The following MINK1 variants were observed in gnomAD, a reference collection of about 807,000 sequenced individuals.
MINK1 encodes the protein misshapen-like kinase 1.
A neutral mutation model predicts 178.4 loss-of-function variants in MINK1; 46 were observed. The ratio of observed to expected loss-of-function variants is 0.26; its 90% CI spans 0.20 to 0.33. The LOEUF (loss-of-function observed/expected upper bound fraction) is 0.33. MINK1 is among the 10% of genes least tolerant of loss of function. The pLI is 1.00. For missense variants in MINK1, 1,366 were observed against 1,814.9 expected (o/e 0.75, Z 4.49); for synonymous variants, 797 against 709.7 (o/e 1.12, Z -1.96).
chr17:4,896,994 C>A lies in MINK1; in HGVS notation c.3915+181C>A, dbSNP rs924277282. The A allele has an allele frequency of 4.5e-5, 46 of 1,012,200 alleles. No homozygotes were observed. The African/African-American group carries it at 6.0e-4, about 13-fold the overall frequency. The allele number at this position is 1,012,200 out of a possible 1,614,324, so 62.7% of individuals were successfully genotyped here. A position where few individuals can be genotyped will look rare whatever the true frequency, so the allele number is the denominator to read the frequency against. On this transcript the variant is annotated intron_variant, in intron 31 of 31. Transcript: ENST00000355280. The surrounding 1 kb of genome is among the most constrained non-coding windows in gnomAD (Gnocchi z 4.6). The stretch of plus-strand genomic sequence containing the variant: ...GCTCCCTTCAGATTCCGAGGACTTC[C>A]CAGCTGGCCCCCAGGGGGCGAGTGG...
intron 12 of MINK1, among the ~76,000 whole-genome samples, chr17:4,888,690 CTTTT>C (rs35392409): frequency 4.6e-5 from 4 of 87,864 alleles, no homozygotes; most frequent in Admixed American, 1.4e-4. Flanking sequence ...AAAGTCCTAT[CTTTT>C]TTTTTTTTTT....
chr17:4,891,160 CAG>C lies in MINK1; in HGVS notation c.1740+37_1740+38del, dbSNP rs770139934. ...CCCCACCCCTGTCTTAATGAAGACACAGGGAGCTTTGTTCAGAGCACAGGTAC... is the reference window on the plus strand; with the variant it reads ...CCCCACCCCTGTCTTAATGAAGACACGGAGCTTTGTTCAGAGCACAGGTAC... On this transcript the variant is annotated intron_variant, in intron 15 of 31. Coordinates refer to ENST00000355280, the MANE Select transcript of MINK1 (RefSeq NM_153827.5). The C allele has an allele frequency of 7.5e-6, 11 of 1,464,696 alleles. No homozygotes were observed. The South Asian group carries it at 1.3e-4, about 17-fold the overall frequency. The allele number at this position is 1,464,696 out of a possible 1,614,324, so 90.7% of individuals were successfully genotyped here. A position where few individuals can be genotyped will look rare whatever the true frequency, so the allele number is the denominator to read the frequency against.
At chr17:4,884,505 C>T in intron 5 of MINK1, 32 bp downstream of exon 5, 1 of 1,495,208 alleles carries the variant, frequency 6.7e-7, no homozygotes, top group Non-Finnish European at 9.3e-7. Flanking sequence ...TTGTCTTCTC[C>T]TCCGCTACCC....
intron 1 of MINK1, among the ~76,000 whole-genome samples, chr17:4,847,489 T>A (rs1247680529): frequency 6.6e-6 from 1 of 152,172 alleles, no homozygotes; most frequent in East Asian, 1.9e-4. Context: ...TGTAGGATGA[T>A]AGGATTCCCT....
chr17:4,867,817 GA>G (rs951019194), intron 1 of MINK1, among the ~76,000 whole-genome samples: 17 of 139,486 alleles, frequency 1.2e-4, no homozygotes, highest in African/African-American at 2.4e-4. Flanking sequence ...CTCCAAAAAA[GA>G]AAAAAAAAAG....
chr17:4,893,380 T>C, intron 20 of MINK1, 54 bp from the exon 21 acceptor site: 2 of 1,606,344 alleles, frequency 1.2e-6, no homozygotes, highest in African/African-American at 1.3e-5. Context: ...ACCCTTTGTC[T>C]ACCTCCACCC....
At position 4,896,610 on chromosome 17, in the gene MINK1, C is replaced by T. The variant is rs776688168; in HGVS notation, c.3775+22C>T. ...GTGGGTGAGTGAGCTGCCGCCCTCC[C>T]AGCCACATGCCCCGAGGTGGCCCCG... is the stretch of plus-strand genomic sequence containing the variant. On this transcript the variant is annotated intron_variant, in intron 30 of 31. Transcript: ENST00000355280. This position sits in a 1 kb window ranked among gnomAD's most constrained non-coding sequence, Gnocchi z 4.6. 20 of 1,613,246 alleles carry T rather than the reference C, an allele frequency of 1.2e-5. No homozygotes were observed. The highest frequency in any genetic ancestry group is 1.5e-5 in the Non-Finnish European group (18 of 1,179,448).
chr17:4,884,489 C>G lies in MINK1; in HGVS notation c.417+16C>G. 6.4e-7 allele frequency: 1 copy of G among 1,572,168 alleles called. No homozygotes were observed. Among genetic ancestry groups the G allele is most frequent in the Non-Finnish European group, 8.8e-7 (1 of 1,142,208 alleles). ...GATCCTCAGGGTGAGCTCAAGGCCC[C>G]TCCCCTTGTCTTCTCCTCCGCTACC... On this transcript the variant is annotated intron_variant, in intron 5 of 31. Transcript: ENST00000355280.
intron 1 of MINK1, chr17:4,847,299 C>T (rs550620661): frequency 1.1e-5 from 5 of 451,598 alleles, no homozygotes; most frequent in South Asian, 6.3e-5. Flanking sequence ...AATGCAGTGG[C>T]GCAGTCTCAG....
At chr17:4,867,137 T>A (rs1484888605) in intron 1 of MINK1, among the ~76,000 whole-genome samples, 3 of 67,160 alleles carry the variant, frequency 4.5e-5, no homozygotes, top group Admixed American at 2.6e-4. Flanking sequence ...CTCTTAGGAC[T>A]GTTTTTTTTT....
In MINK1 at chr17:4,833,574, C is replaced by A; in HGVS notation, c.-10C>A. ...TGAGCGGCCCCGGTGCCCCGTTCCCCACGGAGGCCATGGGCGACCCAGCCC... is the reference window on the plus strand; with the variant it reads ...TGAGCGGCCCCGGTGCCCCGTTCCCAACGGAGGCCATGGGCGACCCAGCCC... On this transcript the variant is annotated 5_prime_UTR_variant, in exon 1 of 32. Coordinates refer to ENST00000355280, the MANE Select transcript of MINK1 (RefSeq NM_153827.5). This position sits in a 1 kb window ranked among gnomAD's most constrained non-coding sequence, Gnocchi z 4.8. 1 of 1,498,566 alleles carries A rather than the reference C, an allele frequency of 6.7e-7. No individual in the cohort carries two copies. The highest frequency in any genetic ancestry group is 8.9e-7 in the Non-Finnish European group (1 of 1,129,816). 92.8% of individuals were successfully genotyped at this position (1,498,566 alleles called of 1,614,324 possible). A position where few individuals can be genotyped will look rare whatever the true frequency, so the allele number is the denominator to read the frequency against.
chr17:4,873,044 CAG>C (rs1221505857), intron 1 of MINK1, among the ~76,000 whole-genome samples: 1 of 152,136 alleles, frequency 6.6e-6, no homozygotes, highest in African/African-American at 2.4e-5. Flanking sequence ...CTGCTGAAGT[CAG>C]TGGGATTTTT....
chr17:4,890,441 GAA>G, intron 13 of MINK1, 74 bp from the exon 14 acceptor site: 1 of 1,513,374 alleles, frequency 6.6e-7, no homozygotes, highest in African/African-American at 1.4e-5. Flanking sequence ...GGCAGTTGGA[GAA>G]AAGAGAGGGC....
chr17:4,877,332 T>C lies in MINK1; in HGVS notation c.58-985T>C, dbSNP rs571609808. The stretch of plus-strand genomic sequence containing the variant: ...GAGGCTTTGTTTGAGCCCTTCGGGC[T>C]GTCTCCTTCTGGCACTGCTTGGCTC... On this transcript the variant is annotated intron_variant, in intron 1 of 31. Transcript: ENST00000355280. Among the ~76,000 whole-genome samples the C allele has an allele frequency of 4.5e-4, 68 of 152,350 alleles. No individual in the cohort carries two copies. The South Asian group carries it at 0.013, about 30-fold the overall frequency.
intron 1 of MINK1, among the ~76,000 whole-genome samples, chr17:4,876,073 G>GCTCA (rs1967158509): frequency 6.6e-6 from 1 of 152,034 alleles, no homozygotes; most frequent in Non-Finnish European, 1.5e-5. Flanking sequence ...GGGATTACAG[G>GCTCA]CGTGAGCCAC....
intron 5 of MINK1, 88 bp downstream of exon 5, chr17:4,884,561 GAGAC>G: frequency 6.1e-6 from 6 of 984,324 alleles, no homozygotes; most frequent in Non-Finnish European, 9.5e-6. Context: ...GCGCTGGGAG[GAGAC>G]ATCACTGCCC....
In MINK1 at chr17:4,894,737, A is replaced by T. The variant is rs1226220386; in HGVS notation, c.2917+104A>T. The T allele has an allele frequency of 2.2e-6, 2 of 911,104 alleles. No individual in the cohort carries two copies. The highest frequency in any genetic ancestry group is 3.3e-5 in the African/African-American group (2 of 60,888). 56.4% of individuals were successfully genotyped at this position (911,104 alleles called of 1,614,324 possible). A position where few individuals can be genotyped will look rare whatever the true frequency, so the allele number is the denominator to read the frequency against. Reference sequence around the variant, plus strand: ...CAGCCTCACAAAGCATAGCCACAGGACCTCTCCCTTGGGCCCTAGCACCTG... The same window carrying T: ...CAGCCTCACAAAGCATAGCCACAGGTCCTCTCCCTTGGGCCCTAGCACCTG... On this transcript the variant is annotated intron_variant, in intron 24 of 31. Coordinates refer to ENST00000355280, the MANE Select transcript of MINK1 (RefSeq NM_153827.5). The surrounding 1 kb of genome is among the most constrained non-coding windows in gnomAD (Gnocchi z 4.1).
intron 19 of MINK1, 76 bp from the exon 20 acceptor site, chr17:4,892,903 T>C (rs960818585): frequency 2.2e-5 from 32 of 1,432,608 alleles, no homozygotes; most frequent in Non-Finnish European, 3.0e-5. Flanking sequence ...TGGGGCTGAG[T>C]TCTGGGGCTC....
At chr17:4,875,635 G>A (rs1967111612) in intron 1 of MINK1, 2 of 359,378 alleles carry the variant, frequency 5.6e-6, no homozygotes, top group Non-Finnish European at 5.5e-6. Flanking sequence ...AGCTGGGCGT[G>A]GTGGCACACG....
Sources: allele counts gnomAD v4.1 joint callset (sites outside exome capture counted in the v4.1 genomes callset), GRCh38; gene constraint gnomAD v4.1.1; non-coding constraint Gnocchi (gnomAD v3.1); transcripts MANE v1.5; gene names NCBI Gene and HGNC (gene_info 2026-07-23, HGNC 2026-07-21).